Variants in NIBAN2 observed in about 807,000 individuals in gnomAD.
NIBAN2 encodes the protein niban apoptosis regulator 2.
A neutral mutation model predicts 81.8 loss-of-function variants in NIBAN2; 36 were observed. That is an observed-to-expected ratio of 0.44 (90% CI 0.34 to 0.58). The LOEUF is 0.58. NIBAN2 is among the 20% of genes least tolerant of loss of function. The pLI is 0.02. For missense variants in NIBAN2, 897 were observed against 1,014.1 expected, an observed-to-expected ratio of 0.88 and a Z score of 1.57; for synonymous variants, 445 against 441.6, an observed-to-expected ratio of 1.01 and a Z score of -0.10.
chr9:127,523,086 C>T (rs527602147), intron 5 of NIBAN2, among the ~76,000 whole-genome samples: 1 of 146,806 alleles, frequency 6.8e-6, no homozygotes, highest in African/African-American at 2.5e-5. Context: ...CTGGAAGAGT[C>T]ACCCCATAAG....
At chr9:127,542,040 G>A (rs1235205690) in intron 1 of NIBAN2, among the ~76,000 whole-genome samples, 2 of 152,146 alleles carry the variant, frequency 1.3e-5, no homozygotes, top group African/African-American at 2.4e-5. Flanking sequence ...AGCCACTGAA[G>A]TCCTGCCTAC....
rs1472171756 is a variant in NIBAN2, at chr9:127,559,729, G to T, written c.55+9091C>A. On this transcript the variant is annotated intron_variant, in intron 1 of 13. Transcript: ENST00000373312. This position sits in a 1 kb window ranked among gnomAD's most constrained non-coding sequence, Gnocchi z 4.0. ...ACAGTTCATTCTTCCTCCCCTCCTG[G>T]ATGCCCAGTTACTCCCTGGGCCCCC... Among the ~76,000 whole-genome samples, 1 of 152,106 alleles carries T rather than the reference G, an allele frequency of 6.6e-6. No homozygotes were observed. The highest frequency in any genetic ancestry group is 1.5e-5 in the Non-Finnish European group (1 of 68,016).
chr9:127,565,623 G>A (rs1248062285), intron 1 of NIBAN2, among the ~76,000 whole-genome samples: 3 of 151,592 alleles, frequency 2.0e-5, no homozygotes, highest in Non-Finnish European at 2.9e-5. Context: ...TGAAACCCCC[G>A]TCTCTACTAG....
chr9:127,567,728 G>A (rs776433380), intron 1 of NIBAN2, among the ~76,000 whole-genome samples: 10 of 152,180 alleles, frequency 6.6e-5, no homozygotes, highest in Non-Finnish European at 1.0e-4. Flanking sequence ...TAGACAGCGA[G>A]GGGCGACCCA....
chr9:127,529,914 C>G (rs1310217538), intron 2 of NIBAN2, among the ~76,000 whole-genome samples: 1 of 152,128 alleles, frequency 6.6e-6, no homozygotes, highest in Non-Finnish European at 1.5e-5. Context: ...TTTCACTCTC[C>G]TTGCTTACAT....
intron 1 of NIBAN2, among the ~76,000 whole-genome samples, chr9:127,567,310 G>C (rs762053876): frequency 3.9e-5 from 6 of 152,206 alleles, no homozygotes; most frequent in African/African-American, 4.8e-5. Context: ...AGCTTGCTGC[G>C]ACAGGGAGGG....
chr9:127,554,577 T>A (rs1837634472), intron 1 of NIBAN2, among the ~76,000 whole-genome samples: 1 of 148,356 alleles, frequency 6.7e-6, no homozygotes, highest in Non-Finnish European at 1.5e-5. Flanking sequence ...TTTTTGCTTT[T>A]TGAGACAGGG....
intron 5 of NIBAN2, among the ~76,000 whole-genome samples, chr9:127,523,471 C>G (rs556377472): frequency 6.6e-6 from 1 of 151,592 alleles, no homozygotes; most frequent in Non-Finnish European, 1.5e-5. Flanking sequence ...TAATTTCCTA[C>G]TTTTTTCCTG....
chr9:127,536,067 C>A lies in NIBAN2; in HGVS notation c.56-4289G>T, dbSNP rs1837271200. ...CACGGGAGAGCTAGAAAGGGAGGAC[C>A]ATGGGAAACAGGGCCACGGATGGCT... On this transcript the variant is annotated intron_variant, in intron 1 of 13. Coordinates refer to ENST00000373312, the MANE Select transcript of NIBAN2 (RefSeq NM_022833.4). This position sits in a 1 kb window ranked among gnomAD's most constrained non-coding sequence, Gnocchi z 4.0. Among the ~76,000 whole-genome samples, 1 of 152,136 alleles carries A rather than the reference C, an allele frequency of 6.6e-6. No individual in the cohort carries two copies. Among genetic ancestry groups the A allele is most frequent in the South Asian group, 2.1e-4 (1 of 4,818 alleles).
rs748333792 is a variant in NIBAN2 at position 127,507,316 on chromosome 9, G to A, written c.1770C>T (p.Gly590=). Residue 590 remains glycine, a synonymous_variant, in exon 14 of 14, where the codon GGC becomes GGT. Coordinates refer to ENST00000373312, the MANE Select transcript of NIBAN2 (RefSeq NM_022833.4). The surrounding 1 kb of genome is among the most constrained non-coding windows in gnomAD (Gnocchi z 6.8). The part of the protein sequence containing the change: ...LLAEGAPIDW[G]EEYSNSGGGG... ...CCCCGCCGCTGTTGCTGTACTCCTC[G>A]CCCCAGTCGATGGGGGCGCCCTCGG... 26 of 1,575,636 alleles carry A rather than the reference G, an allele frequency of 1.7e-5. No individual in the cohort carries two copies. Among genetic ancestry groups the A allele is most frequent in the East Asian group, 9.0e-5 (4 of 44,222 alleles).
intron 1 of NIBAN2, among the ~76,000 whole-genome samples, chr9:127,578,354 CAAAAAA>C (rs150337961): frequency 1.2e-4 from 10 of 83,570 alleles, no homozygotes; most frequent in African/African-American, 3.5e-4. Flanking sequence ...GACTTGGTCT[CAAAAAA>C]AAAAAAAAAA....
In NIBAN2 at chr9:127,565,317, G is replaced by A. The variant is rs76912804; in HGVS notation, c.55+3503C>T. On this transcript the variant is annotated intron_variant, in intron 1 of 13. Coordinates refer to ENST00000373312, the MANE Select transcript of NIBAN2 (RefSeq NM_022833.4). ...AATGTTCAGTGGTTGCCTAGATTTA[G>A]GAGGGACTAGGAGGAAACAGGAGCG... 4.3e-3 allele frequency among the ~76,000 whole-genome samples: 655 copies of A among 152,226 alleles called. 12 individuals carry two copies. The highest frequency in any genetic ancestry group is 0.029 in the Admixed American group (450 of 15,278).
chr9:127,522,060 AC>A (rs1393958645), intron 5 of NIBAN2, among the ~76,000 whole-genome samples: 4 of 152,160 alleles, frequency 2.6e-5, no homozygotes, highest in African/African-American at 9.7e-5. Flanking sequence ...GAGAGATGGC[AC>A]CAGGCCAGGG....
At chr9:127,524,845 T>C (rs774045974) in intron 4 of NIBAN2, 3 of 531,222 alleles carry the variant, frequency 5.6e-6, no homozygotes, top group Non-Finnish European at 1.0e-5. Context: ...CCCACAGGTT[T>C]ACGAGGGAAG....
In NIBAN2 at chr9:127,507,101, C is replaced by T. The variant is rs374739971; in HGVS notation, c.1985G>A (p.Arg662Gln). The change falls in exon 14 of 14, where the codon CGG (arginine) becomes CAG (glutamine). Residue 662 changes from arginine to glutamine, a missense_variant. By Grantham distance (43) the Arg-to-Gln change is conservative. This residue lies in a region of NIBAN2 where 619 missense variants were observed against 691.0 expected (regional missense o/e 0.90). Coordinates refer to ENST00000373312, the MANE Select transcript of NIBAN2 (RefSeq NM_022833.4). The surrounding 1 kb of genome is among the most constrained non-coding windows in gnomAD (Gnocchi z 6.8). ...EIRGLLAQGLRPESPPPAGPL... is the reference protein window; with the variant it reads ...EIRGLLAQGLQPESPPPAGPL... Reference sequence around the variant, plus strand: ...GCCGGCTGGTGGGGGGCTCTCAGGCCGCAGACCTTGGGCCAGCAGGCCTCG... The same window carrying T: ...GCCGGCTGGTGGGGGGCTCTCAGGCTGCAGACCTTGGGCCAGCAGGCCTCG... 7.3e-5 allele frequency: 116 copies of T among 1,581,200 alleles called. No homozygotes were observed. The highest frequency in any genetic ancestry group is 7.2e-5 in the Non-Finnish European group (84 of 1,164,012).
Position 127,545,718 on chromosome 9 carries a change from C to T in NIBAN2, c.56-13940G>A, listed in dbSNP as rs971033418. ...CTGGGAGGAGAGGGCGGGGCTGAGGCGGGAGCCCAGAGAAATGCACCCAAA... is the reference window on the plus strand; with the variant it reads ...CTGGGAGGAGAGGGCGGGGCTGAGGTGGGAGCCCAGAGAAATGCACCCAAA... On this transcript the variant is annotated intron_variant, in intron 1 of 13. Transcript: ENST00000373312. The surrounding 1 kb of genome is among the most constrained non-coding windows in gnomAD (Gnocchi z 4.7). Among the ~76,000 whole-genome samples, 1 of 152,146 alleles carries T rather than the reference C, an allele frequency of 6.6e-6. No individual in the cohort carries two copies. Among genetic ancestry groups the T allele is most frequent in the Non-Finnish European group, 1.5e-5 (1 of 68,016 alleles).
chr9:127,513,238 A>C (rs1399691762), intron 8 of NIBAN2, among the ~76,000 whole-genome samples: 1 of 152,142 alleles, frequency 6.6e-6, no homozygotes, highest in African/African-American at 2.4e-5. Flanking sequence ...ACAAGCAGAA[A>C]ACAAAGCAAT....
chr9:127,544,892 C>A (rs568833995), intron 1 of NIBAN2, among the ~76,000 whole-genome samples: 2 of 152,318 alleles, frequency 1.3e-5, no homozygotes, highest in East Asian at 3.9e-4. Context: ...TCCTAAGAGG[C>A]CACTGGACCT....
At position 127,514,458 on chromosome 9, in the gene NIBAN2, TG is replaced by T. The variant is rs11312596; in HGVS notation, c.973+2398del. Among the ~76,000 whole-genome samples, 333 of 151,766 alleles carry T rather than the reference TG, an allele frequency of 2.2e-3. 3 individuals carry two copies. In the East Asian group the frequency reaches 0.042, roughly 19 times the overall value. On this transcript the variant is annotated intron_variant, in intron 8 of 13. Coordinates refer to ENST00000373312, the MANE Select transcript of NIBAN2 (RefSeq NM_022833.4). ...TACCCACAAAAATTAAAAATGAAAATGAAAATAAAATAAAATAAGAAAACTG... is the reference window on the plus strand; with the variant it reads ...TACCCACAAAAATTAAAAATGAAAATAAAATAAAATAAAATAAGAAAACTG...
Sources: gnomAD v4.1 joint callset for allele counts (sites outside exome capture counted in the v4.1 genomes callset) on GRCh38, gnomAD v4.1.1 for gene constraint, gnomAD v4.1.1 regional missense constraint, Gnocchi (gnomAD v3.1) non-coding constraint, MANE v1.5 for transcripts, NCBI Gene and HGNC (gene_info 2026-07-23, HGNC 2026-07-21) for gene names.